GDAP1L1: variants seen among roughly 807,000 people sequenced by gnomAD.
GDAP1L1 encodes ganglioside induced differentiation associated protein 1 like 1.
In GDAP1L1, 21 loss-of-function variants were observed where a neutral mutation model predicts 37.1. That is an observed-to-expected ratio of 0.57 (90% CI 0.40 to 0.81). The LOEUF is 0.81. Among genes scored for constraint, GDAP1L1 ranks in the 40% least tolerant of loss-of-function variants. The pLI is 0.00. For synonymous variants in GDAP1L1, 193 were observed against 209.1 expected, an observed-to-expected ratio of 0.92 and a Z score of 0.67; for missense variants, 362 against 491.6, an observed-to-expected ratio of 0.74 and a Z score of 2.49.
rs527771084 is a variant in GDAP1L1, at chr20:44,271,585, G to A, written c.760+7026G>A. Reference sequence around the variant, plus strand: ...TGCATGGGAGGAGAGGAATGAAGGCGGTGAGTGTAGATACCTCTTTTGAGA... The same window carrying A: ...TGCATGGGAGGAGAGGAATGAAGGCAGTGAGTGTAGATACCTCTTTTGAGA... On this transcript the variant is annotated intron_variant, in intron 5 of 5. Transcript: ENST00000342560. Among the ~76,000 whole-genome samples the A allele has an allele frequency of 9.2e-5, 14 of 152,302 alleles. No homozygotes were observed. In the South Asian group the frequency reaches 2.3e-3, roughly 25 times the overall value.
chr20:44,266,125 T>C (rs1167170085), intron 5 of GDAP1L1, among the ~76,000 whole-genome samples: 3 of 152,040 alleles, frequency 2.0e-5, no homozygotes, highest in African/African-American at 4.8e-5. Context: ...CCTAACAACA[T>C]GGCAAAACCC....
At chr20:44,270,431 A>G (rs985866767) in intron 5 of GDAP1L1, among the ~76,000 whole-genome samples, 3 of 152,036 alleles carry the variant, frequency 2.0e-5, no homozygotes, top group African/African-American at 7.2e-5. Flanking sequence ...CGGCCTCCCA[A>G]AGTGCTGGGA....
At chr20:44,262,530 C>T (rs748454137) in intron 3 of GDAP1L1, among the ~76,000 whole-genome samples, 4 of 152,016 alleles carry the variant, frequency 2.6e-5, no homozygotes, top group Non-Finnish European at 4.4e-5. Flanking sequence ...ATCTACTACT[C>T]GTCCTCAAGG....
At chr20:44,260,630 AC>A (rs2073655084) in intron 3 of GDAP1L1, among the ~76,000 whole-genome samples, 2 of 152,178 alleles carry the variant, frequency 1.3e-5, no homozygotes, top group Admixed American at 1.3e-4. Context: ...CTCCGGGGCC[AC>A]AGAAGCCTTC....
intron 2 of GDAP1L1, among the ~76,000 whole-genome samples, chr20:44,257,666 G>A (rs1032519165): frequency 6.6e-6 from 1 of 151,818 alleles, no homozygotes; most frequent in African/African-American, 2.4e-5. Context: ...TCACAGGCAT[G>A]GCCCCTTCAG....
At chr20:44,267,191 A>T (rs1440726908) in intron 5 of GDAP1L1, among the ~76,000 whole-genome samples, 1 of 152,194 alleles carries the variant, frequency 6.6e-6, no homozygotes, top group Non-Finnish European at 1.5e-5. Context: ...TGTTTCACAG[A>T]TTTCAACTCA....
chr20:44,272,596 G>A (rs2062530224), intron 5 of GDAP1L1, among the ~76,000 whole-genome samples: 1 of 152,138 alleles, frequency 6.6e-6, no homozygotes, highest in African/African-American at 2.4e-5. Flanking sequence ...ACCCAGAGAA[G>A]TGCAGAAGGG....
intron 2 of GDAP1L1, 119 bp downstream of exon 2, chr20:44,257,464 C>A: frequency 9.6e-7 from 1 of 1,043,774 alleles, no homozygotes; most frequent in Non-Finnish European, 1.4e-6. Flanking sequence ...GAGCCATGGG[C>A]AAGGCCCAGT....
intron 5 of GDAP1L1, among the ~76,000 whole-genome samples, chr20:44,276,372 A>C (rs1400697926): frequency 6.7e-6 from 1 of 148,346 alleles, no homozygotes; most frequent in Non-Finnish European, 1.5e-5. Flanking sequence ...GGAAGGAAGG[A>C]AGGAAGGAAG....
At chr20:44,272,118 G>C (rs1298770663) in intron 5 of GDAP1L1, among the ~76,000 whole-genome samples, 1 of 152,218 alleles carries the variant, frequency 6.6e-6, no homozygotes, top group African/African-American at 2.4e-5. Flanking sequence ...TGAGCCCCGG[G>C]GGGTGGAGCC....
chr20:44,267,342 G>A (rs111968689), intron 5 of GDAP1L1, among the ~76,000 whole-genome samples: 21 of 152,172 alleles, frequency 1.4e-4, no homozygotes, highest in African/African-American at 4.1e-4. Flanking sequence ...GGGCACAGTG[G>A]CTCACGCCTG....
At chr20:44,257,074 C>T in intron 1 of GDAP1L1, 79 bp from the exon 2 acceptor site, 2 of 1,419,484 alleles carry the variant, frequency 1.4e-6, no homozygotes, top group Non-Finnish European at 1.9e-6. Context: ...GACCTCCCTC[C>T]CCGCACACCC....
At chr20:44,257,856 C>A (rs1412332981) in intron 2 of GDAP1L1, among the ~76,000 whole-genome samples, 1 of 152,050 alleles carries the variant, frequency 6.6e-6, no homozygotes, top group Admixed American at 6.5e-5. Context: ...GGCCCAGACA[C>A]CCCAGAACCC....
At chr20:44,272,658 G>C (rs1330963828) in intron 5 of GDAP1L1, among the ~76,000 whole-genome samples, 1 of 152,118 alleles carries the variant, frequency 6.6e-6, no homozygotes, top group Admixed American at 6.5e-5. Context: ...GAGGAGAAGA[G>C]AGGAGAACAG....
At chr20:44,249,537 C>A (rs2073399163) in intron 1 of GDAP1L1, among the ~76,000 whole-genome samples, 1 of 152,188 alleles carries the variant, frequency 6.6e-6, no homozygotes. Flanking sequence ...GAAGTGGGCC[C>A]CAGCGGCTGG....
At chr20:44,264,823 T>G in intron 5 of GDAP1L1, 1 of 1,154,778 alleles carries the variant, frequency 8.7e-7, no homozygotes, top group Non-Finnish European at 1.1e-6. Flanking sequence ...AAAGAGCTGT[T>G]GAGACATTGT....
At chr20:44,261,297 A>AAAG (rs11473751) in intron 3 of GDAP1L1, among the ~76,000 whole-genome samples, 35,495 of 151,972 alleles carry the variant, frequency 0.23, 4,935 homozygotes, top group African/African-American at 0.38. Context: ...GACACGCAAG[A>AAAG]AAGATGCTGT....
At chr20:44,255,412 T>C (rs1027203823) in intron 1 of GDAP1L1, among the ~76,000 whole-genome samples, 1 of 151,588 alleles carries the variant, frequency 6.6e-6, no homozygotes, top group Non-Finnish European at 1.5e-5. Context: ...TGTGGTGGCA[T>C]GCTCCTGTAA....
chr20:44,271,360 A>C (rs1893845315), intron 5 of GDAP1L1, among the ~76,000 whole-genome samples: 1 of 152,220 alleles, frequency 6.6e-6, no homozygotes, highest in Non-Finnish European at 1.5e-5. Flanking sequence ...CCAGTGAAGT[A>C]GGAAGACCCA....
Sources: gnomAD v4.1 joint callset for allele counts (sites outside exome capture counted in the v4.1 genomes callset) on GRCh38, gnomAD v4.1.1 for gene constraint, MANE v1.5 for transcripts, NCBI Gene and HGNC (gene_info 2026-07-23, HGNC 2026-07-21) for gene names.